The following MAT1A variants were observed in gnomAD, a reference collection of about 807,000 sequenced individuals.
The protein encoded by MAT1A is S-adenosylmethionine synthase isoform type-1.
A neutral mutation model predicts 44.0 loss-of-function variants in MAT1A; 19 were observed. That is an observed-to-expected ratio of 0.43 (90% CI 0.30 to 0.63). MAT1A has a LOEUF of 0.63. MAT1A is among the 30% of genes least tolerant of loss of function. The pLI is 0.12. For missense variants in MAT1A, 397 were observed against 531.0 expected (o/e 0.75, Z 2.48); for synonymous variants, 205 against 205.6 (o/e 1.00, Z 0.03).
rs545505182 is a variant in MAT1A, at chr10:80,280,724, C to A, written c.361G>T (p.Val121Phe). The A allele has an allele frequency of 5.6e-6, 9 of 1,614,190 alleles. No individual in the cohort carries two copies. The highest frequency in any genetic ancestry group is 6.8e-6 in the Non-Finnish European group (8 of 1,180,022). Reference protein sequence around the residue: ...EQQSPDIAQCVHLDRNEEDVG... With the variant: ...EQQSPDIAQCFHLDRNEEDVG... ...TCCTCCTCATTTCTGTCCAGATGGA[C>A]GCACTGGGCAATATCTGGGGATTGC... The change falls in exon 4 of 9, where the codon GTC becomes TTC. Residue 121 changes from valine (V) to phenylalanine (F), a missense_variant. Val to Phe is a conservative substitution (Grantham distance 50). Transcript: ENST00000372213.
intron 5 of MAT1A, among the ~76,000 whole-genome samples, chr10:80,278,966 A>G (rs564180467): frequency 2.9e-4 from 44 of 152,352 alleles, no homozygotes; most frequent in African/African-American, 1.0e-3. Context: ...CCTAAGAAAC[A>G]AGGGGACAAT....
Position 80,276,449 on chromosome 10 carries a change from G to A in MAT1A, c.695C>T (p.Pro232Leu), listed in dbSNP as rs1435562794. Residue 232 changes from proline to leucine, a missense_variant, in exon 6 of 9, where the codon CCG (proline) becomes CTG (leucine). Physicochemically the swap from Pro to Leu is moderately conservative, Grantham distance 98. Coordinates refer to ENST00000372213, the MANE Select transcript of MAT1A (RefSeq NM_000429.3). Reference sequence around the variant, plus strand: ...GGTGTCTTCGTCCAGGTACTTGGCCGGCACCACGGCCCTGATGACTTGCTC... The same window carrying A: ...GGTGTCTTCGTCCAGGTACTTGGCCAGCACCACGGCCCTGATGACTTGCTC... ...LKEQVIRAVV[P>L]AKYLDEDTVY... 6.2e-7 allele frequency: 1 copy of A among 1,614,058 alleles called. No individual in the cohort carries two copies. The highest frequency in any genetic ancestry group is 2.2e-5 in the East Asian group (1 of 44,900).
intron 6 of MAT1A, chr10:80,275,440 A>G: frequency 1.7e-6 from 1 of 576,784 alleles, no homozygotes. Context: ...AAGGTGGGCC[A>G]GGGGTTCTCT....
intron 5 of MAT1A, among the ~76,000 whole-genome samples, chr10:80,279,636 G>A (rs549480463): frequency 6.6e-6 from 1 of 152,190 alleles, no homozygotes; most frequent in African/African-American, 2.4e-5. Context: ...TTTCAACACT[G>A]CAGGGAGAAG....
rs772986032 is a variant in MAT1A at position 80,276,594 on chromosome 10, C to G, written c.550G>C (p.Val184Leu). ...PWLRPDSKTQ[V>L]TVQYMQDNGA... ...TTGTCCTGCATGTACTGAACTGTCA[C>G]CTGTCCATCAGAAGGGTGGGGGAGA... The change falls in exon 6 of 9, where the codon GTG becomes CTG. Residue 184 changes from valine to leucine, a missense_variant and splice_region_variant. Val to Leu is a conservative substitution (Grantham distance 32). Coordinates refer to ENST00000372213, the MANE Select transcript of MAT1A (RefSeq NM_000429.3). 2 of 1,610,432 alleles carry G rather than the reference C, an allele frequency of 1.2e-6. No homozygotes were observed. The highest frequency in any genetic ancestry group is 1.7e-6 in the Non-Finnish European group (2 of 1,179,986).
intron 5 of MAT1A, among the ~76,000 whole-genome samples, chr10:80,279,233 T>C (rs923944738): frequency 1.3e-5 from 2 of 152,096 alleles, no homozygotes; most frequent in African/African-American, 4.8e-5. Context: ...GCTGGGATGA[T>C]GGCAGCCCTG....
intron 5 of MAT1A, 84 bp from the exon 6 acceptor site, chr10:80,276,678 G>T: frequency 7.2e-7 from 1 of 1,390,544 alleles, no homozygotes. Flanking sequence ...GCACCCAGGA[G>T]GTGGGCAGGG....
At chr10:80,279,769 C>A (rs1841535513) in intron 5 of MAT1A, among the ~76,000 whole-genome samples, 1 of 44,696 alleles carries the variant, frequency 2.2e-5, no homozygotes, top group South Asian at 9.7e-4. Context: ...ACAGACACAG[C>A]ACAGACAGCG....
intron 1 of MAT1A, among the ~76,000 whole-genome samples, chr10:80,287,320 A>G (rs1288772008): frequency 6.6e-6 from 1 of 152,244 alleles, no homozygotes; most frequent in Non-Finnish European, 1.5e-5. Flanking sequence ...CAAAATTTTT[A>G]TCAATATCAC....
chr10:80,274,402 G>A (rs1483933228), intron 8 of MAT1A, 118 bp downstream of exon 8: 2 of 1,424,298 alleles, frequency 1.4e-6, no homozygotes, highest in South Asian at 1.2e-5. Context: ...AGAGCTCACA[G>A]ACCCTCCCAC....
intron 1 of MAT1A, 110 bp downstream of exon 1, chr10:80,289,223 C>G: frequency 1.1e-6 from 1 of 877,052 alleles, no homozygotes; most frequent in Non-Finnish European, 1.9e-6. Flanking sequence ...ACACGGTACC[C>G]CATAAATATG....
chr10:80,287,952 C>T (rs1283859661), intron 1 of MAT1A, among the ~76,000 whole-genome samples: 1 of 152,214 alleles, frequency 6.6e-6, no homozygotes, highest in Non-Finnish European at 1.5e-5. Context: ...CTACTCAATA[C>T]ATGGCAGTAG....
At chr10:80,287,283 A>C (rs1841661510) in intron 1 of MAT1A, among the ~76,000 whole-genome samples, 1 of 152,186 alleles carries the variant, frequency 6.6e-6, no homozygotes, top group African/African-American at 2.4e-5. Context: ...GTTGTTTCTG[A>C]ATTGTTTTTG....
At position 80,273,454 on chromosome 10, in the gene MAT1A, C is replaced by CT. The variant is rs1589479425; in HGVS notation, c.*326dup. ...CACAGGCAAGGGGAGGGAGGGGGAG[C>CT]TGGTCAGGGTCCAGCTGTTGGGGGA... is the stretch of plus-strand genomic sequence containing the variant. On this transcript the variant is annotated 3_prime_UTR_variant, in exon 9 of 9. Transcript: ENST00000372213. 2.8e-6 allele frequency: 1 copy of CT among 354,900 alleles called. No homozygotes were observed. The highest frequency in any genetic ancestry group is 5.5e-6 in the Non-Finnish European group (1 of 182,664). 22.0% of individuals were successfully genotyped at this position (354,900 alleles called of 1,614,324 possible). A position where few individuals can be genotyped will look rare whatever the true frequency, so the allele number is the denominator to read the frequency against.
intron 4 of MAT1A, 100 bp from the exon 5 acceptor site, chr10:80,280,416 G>C (rs1841550352): frequency 3.5e-6 from 5 of 1,449,276 alleles, no homozygotes; most frequent in Non-Finnish European, 4.8e-6. Context: ...CGTTGATTGG[G>C]TGCCTCCTCC....
At chr10:80,275,339 T>G in intron 6 of MAT1A, 140 bp from the exon 7 acceptor site, 1 of 772,902 alleles carries the variant, frequency 1.3e-6, no homozygotes, top group Non-Finnish European at 2.2e-6. Context: ...CTAAGACCCC[T>G]TAGCCCAGAA....
At chr10:80,282,534 T>C (rs190610371) in intron 3 of MAT1A, among the ~76,000 whole-genome samples, 1 of 152,180 alleles carries the variant, frequency 6.6e-6, no homozygotes, top group Admixed American at 6.5e-5. Flanking sequence ...TAAATGTACA[T>C]AAACAAATTG....
At chr10:80,279,667 T>G (rs1056136835) in intron 5 of MAT1A, among the ~76,000 whole-genome samples, 3 of 152,102 alleles carry the variant, frequency 2.0e-5, no homozygotes, top group Middle Eastern at 6.8e-3. Flanking sequence ...GCCCATGGGT[T>G]TGGAGCTGGA....
intron 3 of MAT1A, among the ~76,000 whole-genome samples, chr10:80,281,259 C>T (rs1346508030): frequency 2.0e-5 from 3 of 152,168 alleles, no homozygotes; most frequent in Admixed American, 1.3e-4. Flanking sequence ...GTATGCCTGA[C>T]ACAACTATTA....
Sources: allele counts gnomAD v4.1 joint callset (sites outside exome capture counted in the v4.1 genomes callset), GRCh38; gene constraint gnomAD v4.1.1; transcripts MANE v1.5; gene names NCBI Gene and HGNC (gene_info 2026-07-23, HGNC 2026-07-21).